The following ATXN1 variants were observed in gnomAD, a reference collection of about 807,000 sequenced individuals.
ATXN1 encodes ataxin 1.
Under a neutral mutation model 56.4 loss-of-function variants are expected in ATXN1, and 8 were observed. That is an observed-to-expected ratio of 0.14 (90% CI 0.08 to 0.26). ATXN1 has a LOEUF of 0.26. Among genes scored for constraint, ATXN1 ranks in the 10% least tolerant of loss-of-function variants. ATXN1 has a pLI of 1.00. For synonymous variants in ATXN1, 514 were observed against 494.6 expected (o/e 1.04, Z -0.52); for missense variants, 987 against 1,106.5 (o/e 0.89, Z 1.53).
intron 2 of ATXN1, among the ~76,000 whole-genome samples, chr6:16,747,674 A>AG: frequency 6.6e-6 from 1 of 151,320 alleles, no homozygotes; most frequent in Admixed American, 6.6e-5. Context: ...AAAAAAAAAA[A>AG]CAAAAGTCCT....
At chr6:16,708,276 T>A (rs1759447982) in intron 2 of ATXN1, among the ~76,000 whole-genome samples, 1 of 152,090 alleles carries the variant, frequency 6.6e-6, no homozygotes. Flanking sequence ...ATCGTCAACA[T>A]ACATGCATCT....
At chr6:16,344,304 A>G (rs1200872437) in intron 6 of ATXN1, among the ~76,000 whole-genome samples, 1 of 152,236 alleles carries the variant, frequency 6.6e-6, no homozygotes, top group Non-Finnish European at 1.5e-5. Flanking sequence ...CATGATGGTT[A>G]ATACTGAGTG....
intron 6 of ATXN1, among the ~76,000 whole-genome samples, chr6:16,343,463 G>A (rs1169842438): frequency 6.6e-6 from 1 of 152,158 alleles, no homozygotes; most frequent in Non-Finnish European, 1.5e-5. Context: ...GGATCTCTGA[G>A]ATACCTGCTG....
chr6:16,413,806 C>T (rs1196553218), intron 6 of ATXN1, among the ~76,000 whole-genome samples: 1 of 152,092 alleles, frequency 6.6e-6, no homozygotes, highest in Non-Finnish European at 1.5e-5. Context: ...TTCCATCAGC[C>T]ACTAAACTTA....
intron 3 of ATXN1, among the ~76,000 whole-genome samples, chr6:16,612,464 T>C (rs1225019887): frequency 6.6e-6 from 1 of 152,130 alleles, no homozygotes; most frequent in African/African-American, 2.4e-5. Flanking sequence ...TAATAAATTA[T>C]GGAATCACAG....
intron 5 of ATXN1, among the ~76,000 whole-genome samples, chr6:16,499,712 C>T (rs1240468675): frequency 6.6e-6 from 1 of 152,116 alleles, no homozygotes; most frequent in East Asian, 1.9e-4. Context: ...CATGCCAAAT[C>T]GTGTATAACC....
At chr6:16,650,737 C>T (rs1409541315) in intron 3 of ATXN1, among the ~76,000 whole-genome samples, 1 of 152,170 alleles carries the variant, frequency 6.6e-6, no homozygotes, top group East Asian at 1.9e-4. Flanking sequence ...GGCAGCCTAT[C>T]GTTCAAACCC....
chr6:16,306,138 C>T lies in ATXN1; in HGVS notation c.*191G>A. ...GCCCTTCCTCCCGCCCGCTCACTGA[C>T]AGACACTCGTGGAAAAAGCATATGC... On this transcript the variant is annotated 3_prime_UTR_variant, in exon 8 of 8. Coordinates refer to ENST00000436367, the MANE Select transcript of ATXN1 (RefSeq NM_001128164.2). The surrounding 1 kb of genome is among the most constrained non-coding windows in gnomAD (Gnocchi z 5.2). 1 of 662,006 alleles carries T rather than the reference C, an allele frequency of 1.5e-6. No individual in the cohort carries two copies. The highest frequency in any genetic ancestry group is 2.4e-6 in the Non-Finnish European group (1 of 417,368). 41.0% of individuals were successfully genotyped at this position (662,006 alleles called of 1,614,324 possible).
chr6:16,344,290 T>A (rs981329068), intron 6 of ATXN1, among the ~76,000 whole-genome samples: 2 of 152,192 alleles, frequency 1.3e-5, no homozygotes, highest in African/African-American at 4.8e-5. Context: ...TTCACCATGG[T>A]GGGCATGATG....
chr6:16,671,175 T>C (rs761440989), intron 2 of ATXN1, among the ~76,000 whole-genome samples: 14 of 152,234 alleles, frequency 9.2e-5, no homozygotes, highest in Non-Finnish European at 1.6e-4. Context: ...ACAGGCTTAC[T>C]GAGTAGGTTC....
chr6:16,720,705 C>T (rs966696680), intron 2 of ATXN1, among the ~76,000 whole-genome samples: 2 of 152,070 alleles, frequency 1.3e-5, no homozygotes, highest in African/African-American at 2.4e-5. Context: ...TTATTTGGGT[C>T]GAGCTAAAGC....
rs749507197 is a variant in ATXN1, at chr6:16,378,963, C to T, written c.-160-50493G>A. On this transcript the variant is annotated intron_variant, in intron 6 of 7. Transcript: ENST00000436367. ...ATTATTCGAAAAAGATACTTGCACA[C>T]GCATGTTTATAGCAGCACAATTCAC... Among the ~76,000 whole-genome samples the T allele has an allele frequency of 5.3e-5, 8 of 152,268 alleles. No homozygotes were observed. In the South Asian group the frequency reaches 6.2e-4, roughly 12 times the overall value.
At chr6:16,624,354 G>GAAAAAA (rs58614013) in intron 3 of ATXN1, among the ~76,000 whole-genome samples, 4 of 109,258 alleles carry the variant, frequency 3.7e-5, no homozygotes, top group African/African-American at 6.1e-5. Flanking sequence ...TTTGTCTCAA[G>GAAAAAA]AAAAAAAAAA....
At chr6:16,730,506 T>TATAA (rs1367623215) in intron 2 of ATXN1, among the ~76,000 whole-genome samples, 3 of 147,132 alleles carry the variant, frequency 2.0e-5, no homozygotes, top group African/African-American at 7.4e-5. Flanking sequence ...TATATATATA[T>TATAA]AAATGTATTT....
intron 3 of ATXN1, among the ~76,000 whole-genome samples, chr6:16,603,799 G>C (rs770811615): frequency 3.9e-5 from 6 of 152,160 alleles, no homozygotes; most frequent in Non-Finnish European, 8.8e-5. Context: ...TGGTGGCTGT[G>C]GGGTACAGGG....
intron 6 of ATXN1, among the ~76,000 whole-genome samples, chr6:16,355,830 C>G (rs995285376): frequency 6.6e-6 from 1 of 152,144 alleles, no homozygotes; most frequent in Admixed American, 6.5e-5. Context: ...TCCCAAAGTG[C>G]TGGGATTACA....
At chr6:16,571,209 G>A (rs1031699349) in intron 4 of ATXN1, among the ~76,000 whole-genome samples, 2 of 152,178 alleles carry the variant, frequency 1.3e-5, no homozygotes, top group African/African-American at 4.8e-5. Flanking sequence ...CTCTGAGAAT[G>A]AAGGTGACCT....
At chr6:16,627,282 G>A (rs1400138409) in intron 3 of ATXN1, among the ~76,000 whole-genome samples, 1 of 152,164 alleles carries the variant, frequency 6.6e-6, no homozygotes, top group Non-Finnish European at 1.5e-5. Flanking sequence ...GTTCTATGCA[G>A]CAAACTCAAT....
chr6:16,677,481 C>A (rs552865010), intron 2 of ATXN1, among the ~76,000 whole-genome samples: 21 of 152,128 alleles, frequency 1.4e-4, no homozygotes, highest in Non-Finnish European at 2.5e-4. Flanking sequence ...GTGTCCTCAT[C>A]ATTAGGTCAG....
Sources: allele counts gnomAD v4.1 joint callset (sites outside exome capture counted in the v4.1 genomes callset), GRCh38; gene constraint gnomAD v4.1.1; non-coding constraint Gnocchi (gnomAD v3.1); transcripts MANE v1.5; gene names NCBI Gene and HGNC (gene_info 2026-07-23, HGNC 2026-07-21).